The following ADGRB3 variants were observed in gnomAD, a reference collection of about 807,000 sequenced individuals.
ADGRB3 encodes the protein adhesion G protein-coupled receptor B3.
ADGRB3 carries 37 observed loss-of-function variants against 193.4 expected under a neutral mutation model. That is an observed-to-expected ratio of 0.19 (90% CI 0.15 to 0.25). The LOEUF (loss-of-function observed/expected upper bound fraction) is 0.25. Ranked by LOEUF, ADGRB3 falls within the 10% of genes least tolerant of loss-of-function variation. The pLI is 1.00. For synonymous variants in ADGRB3, 690 were observed against 644.2 expected, an observed-to-expected ratio of 1.07 and a Z score of -1.08; for missense variants, 1,637 against 1,852.9, an observed-to-expected ratio of 0.88 and a Z score of 2.14.
At chr6:68,972,563 C>T (rs1768607915) in intron 8 of ADGRB3, among the ~76,000 whole-genome samples, 1 of 152,092 alleles carries the variant, frequency 6.6e-6, no homozygotes, top group African/African-American at 2.4e-5. Context: ...CTCTGTGCTT[C>T]TGTTTTCCCA....
At chr6:68,954,273 T>G (rs1768010893) in intron 6 of ADGRB3, among the ~76,000 whole-genome samples, 1 of 152,236 alleles carries the variant, frequency 6.6e-6, no homozygotes, top group Non-Finnish European at 1.5e-5. Flanking sequence ...TATAAAATTT[T>G]TGAGGTTAGG....
intron 3 of ADGRB3, among the ~76,000 whole-genome samples, chr6:68,674,204 T>A (rs1424162013): frequency 6.6e-6 from 1 of 152,164 alleles, no homozygotes; most frequent in East Asian, 1.9e-4. Flanking sequence ...GATTTTCTGA[T>A]GTTAATAGTG....
intron 17 of ADGRB3, among the ~76,000 whole-genome samples, chr6:69,167,194 A>C (rs968722237): frequency 3.3e-5 from 5 of 152,114 alleles, no homozygotes; most frequent in African/African-American, 1.2e-4. Flanking sequence ...CAAACTGTAT[A>C]GATAATTGTG....
At chr6:68,653,720 G>T (rs1193139008) in intron 3 of ADGRB3, among the ~76,000 whole-genome samples, 1 of 152,012 alleles carries the variant, frequency 6.6e-6, no homozygotes, top group South Asian at 2.1e-4. Flanking sequence ...GTGGTCCTTT[G>T]TTGAACCATG....
At chr6:69,068,275 T>A (rs1562145172) in intron 16 of ADGRB3, among the ~76,000 whole-genome samples, 2 of 152,212 alleles carry the variant, frequency 1.3e-5, no homozygotes, top group African/African-American at 2.4e-5. Flanking sequence ...GTGTGTTACA[T>A]GTCTCTGCTA....
chr6:69,029,211 G>A (rs984588389), intron 13 of ADGRB3, among the ~76,000 whole-genome samples: 2 of 152,098 alleles, frequency 1.3e-5, no homozygotes, highest in African/African-American at 4.8e-5. Context: ...CTACATCAAG[G>A]TAAAATGACT....
At chr6:68,775,579 A>T (rs1247894650) in intron 3 of ADGRB3, among the ~76,000 whole-genome samples, 1 of 152,160 alleles carries the variant, frequency 6.6e-6, no homozygotes, top group Non-Finnish European at 1.5e-5. Flanking sequence ...GTTAATACTT[A>T]TAAAGCACTC....
At chr6:69,383,594 A>T (rs796068129) in intron 31 of ADGRB3, among the ~76,000 whole-genome samples, 1 of 152,030 alleles carries the variant, frequency 6.6e-6, no homozygotes, top group African/African-American at 2.4e-5. Context: ...TCAGTATACT[A>T]GTCGAAAGCT....
intron 3 of ADGRB3, among the ~76,000 whole-genome samples, chr6:68,806,162 T>A (rs1767397045): frequency 6.6e-6 from 1 of 152,164 alleles, no homozygotes; most frequent in African/African-American, 2.4e-5. Context: ...ATTAAGATGG[T>A]TTGATAATAT....
intron 17 of ADGRB3, among the ~76,000 whole-genome samples, chr6:69,202,583 C>G (rs549213886): frequency 6.6e-6 from 1 of 152,178 alleles, no homozygotes; most frequent in East Asian, 1.9e-4. Flanking sequence ...ATGTATTCTT[C>G]CATATACCTA....
At chr6:68,930,788 T>C (rs534371044) in intron 4 of ADGRB3, 119 bp downstream of exon 4, 57 of 716,948 alleles carry the variant, frequency 8.0e-5, no homozygotes, top group African/African-American at 7.1e-4. Flanking sequence ...TTTCGAGCCA[T>C]TTTTTTTGTC....
chr6:69,324,927 G>T lies in ADGRB3; in HGVS notation c.2870G>T (p.Cys957Phe). 1 of 1,613,930 alleles carries T rather than the reference G, an allele frequency of 6.2e-7. No individual in the cohort carries two copies. Among genetic ancestry groups the T allele is most frequent in the Non-Finnish European group, 8.5e-7 (1 of 1,179,904 alleles). Reference sequence around the variant, plus strand: ...CACTTTTTCTTCCTGGCTTCATTCTGTTGGGTTTTGACTGAGGCGTGGCAA... The same window carrying T: ...CACTTTTTCTTCCTGGCTTCATTCTTTTGGGTTTTGACTGAGGCGTGGCAA... ...FLHFFFLASF[C>F]WVLTEAWQSY... is the part of the protein sequence containing the mutation. The change falls in exon 21 of 32, where the codon TGT becomes TTT. Residue 957 changes from cysteine to phenylalanine, a missense_variant. Around this residue, in one of 7 missense-constraint regions of ADGRB3, gnomAD observed 87 missense variants for 161.0 expected, o/e 0.54. Transcript: ENST00000370598.
At chr6:69,049,008 G>A (rs1370579595) in intron 14 of ADGRB3, among the ~76,000 whole-genome samples, 1 of 151,982 alleles carries the variant, frequency 6.6e-6, no homozygotes. Context: ...TGATATCGTT[G>A]GGAAATTAAA....
intron 5 of ADGRB3, among the ~76,000 whole-genome samples, chr6:68,943,405 T>C (rs1767693787): frequency 1.3e-5 from 2 of 152,120 alleles, no homozygotes; most frequent in Admixed American, 6.5e-5. Flanking sequence ...ATTTTATAAA[T>C]GTTAGGAGAA....
chr6:68,930,908 T>G lies in ADGRB3; in HGVS notation c.868+239T>G, dbSNP rs557320375. Among the ~76,000 whole-genome samples, 3 of 152,198 alleles carry G rather than the reference T, an allele frequency of 2.0e-5. No homozygotes were observed. The East Asian group carries it at 5.8e-4, about 29-fold the overall frequency. ...ACATTTAGGATTTACATAGTAGCATTTATGCTAATTAACTACTTAAAATGT... is the reference window on the plus strand; with the variant it reads ...ACATTTAGGATTTACATAGTAGCATGTATGCTAATTAACTACTTAAAATGT... On this transcript the variant is annotated intron_variant, in intron 4 of 31. Coordinates refer to ENST00000370598, the MANE Select transcript of ADGRB3 (RefSeq NM_001704.3).
intron 3 of ADGRB3, among the ~76,000 whole-genome samples, chr6:68,769,555 G>A (rs1279869623): frequency 1.3e-5 from 2 of 152,064 alleles, no homozygotes; most frequent in Non-Finnish European, 2.9e-5. Flanking sequence ...GGGGGTTAGG[G>A]GAGGGATAAC....
intron 3 of ADGRB3, among the ~76,000 whole-genome samples, chr6:68,717,680 G>A (rs1467110815): frequency 4.0e-5 from 6 of 151,040 alleles, no homozygotes; most frequent in African/African-American, 1.2e-4. Context: ...ATTTAATAAA[G>A]ATATAAAAAT....
At chr6:68,804,230 G>A (rs1021740437) in intron 3 of ADGRB3, among the ~76,000 whole-genome samples, 3 of 152,042 alleles carry the variant, frequency 2.0e-5, no homozygotes, top group Admixed American at 6.6e-5. Flanking sequence ...TTATACCTTC[G>A]GGCCTTGGAT....
Position 68,824,535 on chromosome 6 carries a change from T to C in ADGRB3, c.758-106024T>C, listed in dbSNP as rs190586231. On this transcript the variant is annotated intron_variant, in intron 3 of 31. Coordinates refer to ENST00000370598, the MANE Select transcript of ADGRB3 (RefSeq NM_001704.3). ...CTATACATATAATATATATTATACA[T>C]ATTTCATGATTATACATATAATATA... is the stretch of plus-strand genomic sequence containing the variant. Among the ~76,000 whole-genome samples the C allele has an allele frequency of 2.9e-3, 426 of 148,538 alleles. 2 individuals are homozygous for C. Among genetic ancestry groups the C allele is most frequent in the Middle Eastern group, 0.011 (3 of 280 alleles).
Sources: allele counts gnomAD v4.1 joint callset (sites outside exome capture counted in the v4.1 genomes callset), GRCh38; gene constraint gnomAD v4.1.1; regional missense constraint gnomAD v4.1.1; transcripts MANE v1.5; gene names NCBI Gene and HGNC (gene_info 2026-07-23, HGNC 2026-07-21).